GALNT2: variants seen among roughly 807,000 people sequenced by gnomAD.
The protein encoded by GALNT2 is UDP-GalNAc:polypeptide N-acetylgalactosaminyltransferase 2.
In GALNT2, 31 loss-of-function variants were observed where a neutral mutation model predicts 81.4. The ratio of observed to expected loss-of-function variants is 0.38; its 90% CI spans 0.29 to 0.51. The LOEUF is 0.51. GALNT2 is among the 20% of genes least tolerant of loss of function. The pLI is 0.87. For missense variants in GALNT2, 629 were observed against 765.7 expected, an observed-to-expected ratio of 0.82 and a Z score of 2.11; for synonymous variants, 303 against 287.4, an observed-to-expected ratio of 1.05 and a Z score of -0.55.
intron 2 of GALNT2, among the ~76,000 whole-genome samples, chr1:230,188,039 T>C (rs1663397542): frequency 1.3e-5 from 2 of 152,292 alleles, no homozygotes; most frequent in South Asian, 2.1e-4. Context: ...GGTTCCAGGC[T>C]TGAGGGTGTG....
chr1:230,130,572 A>G (rs766331545), intron 1 of GALNT2, among the ~76,000 whole-genome samples: 4 of 152,202 alleles, frequency 2.6e-5, no homozygotes, highest in Non-Finnish European at 2.9e-5. Context: ...GTCACGTGGT[A>G]TCAGGAACAC....
At chr1:230,078,304 A>G (rs1273937109) in intron 1 of GALNT2, among the ~76,000 whole-genome samples, 1 of 152,218 alleles carries the variant, frequency 6.6e-6, no homozygotes, top group Non-Finnish European at 1.5e-5. Context: ...AAGAAGCCAG[A>G]TGTGCTGTTG....
chr1:230,094,071 C>T (rs928237415), intron 1 of GALNT2, among the ~76,000 whole-genome samples: 3 of 151,978 alleles, frequency 2.0e-5, no homozygotes, highest in Admixed American at 2.0e-4. Flanking sequence ...GCACAAACAT[C>T]ACTGCAACCT....
At chr1:230,226,228 T>A (rs893321872) in intron 3 of GALNT2, among the ~76,000 whole-genome samples, 1 of 152,230 alleles carries the variant, frequency 6.6e-6, no homozygotes, top group South Asian at 2.1e-4. Flanking sequence ...CAGACCTTCC[T>A]GCCCTTTTCT....
intron 6 of GALNT2, among the ~76,000 whole-genome samples, chr1:230,240,787 A>G (rs1665176886): frequency 6.6e-6 from 1 of 152,162 alleles, no homozygotes; most frequent in South Asian, 2.1e-4. Context: ...AGTTTGGGAA[A>G]TGACTGGCCT....
At chr1:230,226,695 G>C (rs1175601051) in intron 3 of GALNT2, among the ~76,000 whole-genome samples, 3 of 152,222 alleles carry the variant, frequency 2.0e-5, no homozygotes, top group Non-Finnish European at 2.9e-5. Flanking sequence ...CCAAAGTTAG[G>C]GGAGCCAGTC....
chr1:230,074,044 G>A (rs751291869), intron 1 of GALNT2, among the ~76,000 whole-genome samples: 5 of 152,086 alleles, frequency 3.3e-5, no homozygotes, highest in South Asian at 2.1e-4. Flanking sequence ...TTTCGGGACT[G>A]TGGTTGCTCT....
At chr1:230,178,809 TCTCGATGTTACACATTC>T (rs1182516619) in intron 2 of GALNT2, among the ~76,000 whole-genome samples, 2 of 152,086 alleles carry the variant, frequency 1.3e-5, no homozygotes, top group Non-Finnish European at 2.9e-5. Context: ...TAGGGTTCAC[TCTCGATGTTACACATTC>T]TGTGGGTTTG....
intron 2 of GALNT2, among the ~76,000 whole-genome samples, chr1:230,198,107 G>T (rs1003501834): frequency 6.6e-6 from 1 of 152,208 alleles, no homozygotes; most frequent in Admixed American, 6.5e-5. Context: ...TCCCAGTCAC[G>T]CGCAGGATTG....
At chr1:230,220,652 G>T (rs541529366) in intron 3 of GALNT2, among the ~76,000 whole-genome samples, 1 of 152,246 alleles carries the variant, frequency 6.6e-6, no homozygotes, top group East Asian at 1.9e-4. Flanking sequence ...CCAGTTGACT[G>T]TAGAATCCTG....
chr1:230,127,498 C>T (rs1217391122), intron 1 of GALNT2, among the ~76,000 whole-genome samples: 1 of 152,068 alleles, frequency 6.6e-6, no homozygotes, highest in Non-Finnish European at 1.5e-5. Context: ...GCCTCAGCCT[C>T]CCAAGCAGCT....
chr1:230,280,339 G>A lies in GALNT2; in HGVS notation c.*881G>A, dbSNP rs9431816. 1,420 of 272,460 alleles carry A rather than the reference G, an allele frequency of 5.2e-3. 24 individuals carry two copies. Among genetic ancestry groups the A allele is most frequent in the African/African-American group, 0.03 (1,364 of 46,104 alleles). The allele number at this position is 272,460 out of a possible 1,614,324, so 16.9% of individuals were successfully genotyped here. A position where few individuals can be genotyped will look rare whatever the true frequency, so the allele number is the denominator to read the frequency against. On this transcript the variant is annotated 3_prime_UTR_variant, in exon 16 of 16. Coordinates refer to ENST00000366672, the MANE Select transcript of GALNT2 (RefSeq NM_004481.5). ...GTCAGCCTGAGAGTCCCTACTGTGC[G>A]TCAGAATCCACCTTGCGTGCTGTGC...
At chr1:230,211,662 G>A (rs979046350) in intron 3 of GALNT2, among the ~76,000 whole-genome samples, 11 of 152,078 alleles carry the variant, frequency 7.2e-5, no homozygotes, top group Admixed American at 2.0e-4. Flanking sequence ...ACTCCCAGCC[G>A]CTTGGGAGGC....
chr1:230,076,677 G>T (rs1172727041), intron 1 of GALNT2, among the ~76,000 whole-genome samples: 1 of 152,146 alleles, frequency 6.6e-6, no homozygotes, highest in East Asian at 1.9e-4. Flanking sequence ...CAAGGTGAGG[G>T]CATGCAGGTG....
At chr1:230,063,035 G>A (rs1659086060), upstream of GALNT2, among the ~76,000 whole-genome samples, 1 of 152,044 alleles carries the variant, frequency 6.6e-6, no homozygotes, top group Admixed American at 6.5e-5. Context: ...TTTATAGGCT[G>A]GGCGCGGTGG....
In GALNT2 at chr1:230,133,881, A is replaced by C. The variant is rs189437452; in HGVS notation, c.127-44337A>C. Reference sequence around the variant, plus strand: ...TATTACAAATTGCAACCCTTTGTCTATTTTTAGGTAATATTTTCCCCACAC... The same window carrying C: ...TATTACAAATTGCAACCCTTTGTCTCTTTTTAGGTAATATTTTCCCCACAC... On this transcript the variant is annotated intron_variant, in intron 1 of 15. Transcript: ENST00000366672. Among the ~76,000 whole-genome samples the C allele has an allele frequency of 3.3e-5, 5 of 152,032 alleles. No homozygotes were observed. The East Asian group carries it at 9.7e-4, about 29-fold the overall frequency.
At chr1:230,200,604 G>A (rs980209453) in intron 2 of GALNT2, among the ~76,000 whole-genome samples, 2 of 152,206 alleles carry the variant, frequency 1.3e-5, no homozygotes, top group South Asian at 4.1e-4. Flanking sequence ...GGGGGTGTGA[G>A]AGCACAAAGA....
At chr1:230,148,711 C>T (rs985744691) in intron 1 of GALNT2, among the ~76,000 whole-genome samples, 2 of 151,600 alleles carry the variant, frequency 1.3e-5, no homozygotes, top group Non-Finnish European at 2.9e-5. Context: ...CTCAGCCTTC[C>T]GAGTAGCTGG....
intron 1 of GALNT2, among the ~76,000 whole-genome samples, chr1:230,081,012 G>A (rs937139924): frequency 1.3e-5 from 2 of 152,190 alleles, no homozygotes; most frequent in Non-Finnish European, 2.9e-5. Flanking sequence ...CGAGCCCAGA[G>A]GCTCCTGTTC....
Sources: allele counts gnomAD v4.1 joint callset (sites outside exome capture counted in the v4.1 genomes callset), GRCh38; gene constraint gnomAD v4.1.1; transcripts MANE v1.5; gene names NCBI Gene and HGNC (gene_info 2026-07-23, HGNC 2026-07-21).